REV3L: variants seen among roughly 807,000 people sequenced by gnomAD.
REV3L encodes the protein DNA polymerase zeta catalytic subunit.
In REV3L, 69 loss-of-function variants were observed where a neutral mutation model predicts 299.4. The ratio of observed to expected loss-of-function variants is 0.23; its 90% CI spans 0.19 to 0.28. The LOEUF is 0.28. Among genes scored for constraint, REV3L ranks in the 10% least tolerant of loss-of-function variants. The pLI, the probability that REV3L is intolerant of heterozygous loss-of-function variation, is 1.00. For synonymous variants in REV3L, 1,238 were observed against 1,271.4 expected, an observed-to-expected ratio of 0.97 and a Z score of 0.56; for missense variants, 3,128 against 3,693.8, an observed-to-expected ratio of 0.85 and a Z score of 3.97.
At chr6:111,334,590 G>T (rs1246170947) in intron 22 of REV3L, among the ~76,000 whole-genome samples, 2 of 152,114 alleles carry the variant, frequency 1.3e-5, no homozygotes, top group African/African-American at 4.8e-5. Context: ...CTATTAGAAG[G>T]CTTGGGGTAT....
chr6:111,300,167 A>G lies in REV3L; in HGVS notation c.9253-11T>C, dbSNP rs1771319290. On this transcript the variant is annotated splice_polypyrimidine_tract_variant and intron_variant, in intron 31 of 31. Transcript: ENST00000368802. ...ACAGTTCTTGCATATCTGAAAGCAT[A>G]AGAGAAATACAAAAAATAATAGGAA... 6.4e-7 allele frequency: 1 copy of G among 1,553,504 alleles called. No individual in the cohort carries two copies. Among genetic ancestry groups the G allele is most frequent in the Non-Finnish European group, 8.7e-7 (1 of 1,154,846 alleles).
chr6:111,464,296 A>C (rs1304232833), intron 1 of REV3L, among the ~76,000 whole-genome samples: 1 of 152,134 alleles, frequency 6.6e-6, no homozygotes, highest in Non-Finnish European at 1.5e-5. Flanking sequence ...GGGAAGGCAA[A>C]TCTATCTTTT....
chr6:111,302,166 C>G lies in REV3L; in HGVS notation c.9253-2010G>C, dbSNP rs186451921. 5.9e-5 allele frequency among the ~76,000 whole-genome samples: 9 copies of G among 152,334 alleles called. No homozygotes were observed. The East Asian group carries it at 1.7e-3, about 29-fold the overall frequency. Reference sequence around the variant, plus strand: ...TGTATCCAATATTATGATATTGTCACAAGCAGACTGCTTACAAACATGTGC... The same window carrying G: ...TGTATCCAATATTATGATATTGTCAGAAGCAGACTGCTTACAAACATGTGC... On this transcript the variant is annotated intron_variant, in intron 31 of 31. Coordinates refer to ENST00000368802, the MANE Select transcript of REV3L (RefSeq NM_001372078.1).
chr6:111,422,788 G>T (rs936042798), intron 1 of REV3L, among the ~76,000 whole-genome samples: 5 of 147,912 alleles, frequency 3.4e-5, no homozygotes, highest in Non-Finnish European at 6.0e-5. Flanking sequence ...AACTTAAAAG[G>T]CAAAACAAAG....
At chr6:111,384,508 A>G (rs949355006) in intron 9 of REV3L, among the ~76,000 whole-genome samples, 3 of 152,218 alleles carry the variant, frequency 2.0e-5, no homozygotes, top group Non-Finnish European at 4.4e-5. Context: ...AACATCACTG[A>G]TCATCAGATA....
chr6:111,442,921 T>C (rs1263277848), intron 1 of REV3L, among the ~76,000 whole-genome samples: 1 of 152,138 alleles, frequency 6.6e-6, no homozygotes, highest in Admixed American at 6.5e-5. Context: ...GTGTCCTGTT[T>C]AGGATCGGTG....
At chr6:111,473,413 A>G (rs1489321578) in intron 1 of REV3L, among the ~76,000 whole-genome samples, 1 of 152,066 alleles carries the variant, frequency 6.6e-6, no homozygotes, top group Non-Finnish European at 1.5e-5. Flanking sequence ...AAATGTAATT[A>G]TAGTACCAGA....
chr6:111,331,689 A>G lies in REV3L; in HGVS notation c.8021T>C (p.Val2674Ala). Reference protein sequence around the residue: ...RHDITVSPNGVAFVKPSVRKG... With the variant: ...RHDITVSPNGAAFVKPSVRKG... ...AGAGAGTATTACCTTGACAAAAGCT[A>G]CTCCATTGGGGGACACTGTGATATC... is the stretch of plus-strand genomic sequence containing the variant. Residue 2674 changes from valine (V) to alanine (A), a missense_variant, in exon 24 of 32, where the codon GTA becomes GCA. By Grantham distance (64) the Val-to-Ala change is moderately conservative (BLOSUM62 0). Around this residue, in one of 9 missense-constraint regions of REV3L, gnomAD observed 149 missense variants for 286.4 expected, o/e 0.52. Coordinates refer to ENST00000368802, the MANE Select transcript of REV3L (RefSeq NM_001372078.1). The G allele has an allele frequency of 6.2e-7, 1 of 1,610,354 alleles. No homozygotes were observed. Among genetic ancestry groups the G allele is most frequent in the East Asian group, 2.2e-5 (1 of 44,726 alleles).
At chr6:111,386,303 G>T (rs949657458) in intron 9 of REV3L, among the ~76,000 whole-genome samples, 1 of 152,138 alleles carries the variant, frequency 6.6e-6, no homozygotes. Context: ...CAGCTAAAAT[G>T]AATGAACAAG....
intron 2 of REV3L, among the ~76,000 whole-genome samples, chr6:111,413,330 C>T (rs374594123): frequency 8.5e-5 from 13 of 152,130 alleles, no homozygotes; most frequent in African/African-American, 3.1e-4. Context: ...CAGATGTTTT[C>T]ATGTTTAAAA....
At chr6:111,321,718 A>G (rs1326580654) in intron 26 of REV3L, among the ~76,000 whole-genome samples, 3 of 152,176 alleles carry the variant, frequency 2.0e-5, no homozygotes, top group Non-Finnish European at 1.5e-5. Flanking sequence ...CTGTTCAAAG[A>G]TTACTTATAA....
At chr6:111,404,353 C>T (rs1384222116) in intron 4 of REV3L, among the ~76,000 whole-genome samples, 2 of 152,204 alleles carry the variant, frequency 1.3e-5, no homozygotes, top group Non-Finnish European at 2.9e-5. Context: ...TTTCTGCTCA[C>T]TAACAATGCA....
At chr6:111,333,000 T>C in intron 23 of REV3L, 123 bp downstream of exon 23, 1 of 1,088,426 alleles carries the variant, frequency 9.2e-7, no homozygotes, top group Non-Finnish European at 1.3e-6. Context: ...TTAGCTGGGA[T>C]ACAGTCCATT....
intron 9 of REV3L, 76 bp from the exon 10 acceptor site, chr6:111,381,520 T>C: frequency 1.6e-6 from 2 of 1,242,940 alleles, no homozygotes; most frequent in Middle Eastern, 2.6e-4. Context: ...TTTGTGTAAA[T>C]TTGGAAGCAT....
At chr6:111,302,784 C>T (rs565151916) in intron 31 of REV3L, among the ~76,000 whole-genome samples, 11 of 152,076 alleles carry the variant, frequency 7.2e-5, no homozygotes, top group Non-Finnish European at 1.3e-4. Flanking sequence ...TGCCTGTAAT[C>T]CCAGCTACTC....
At chr6:111,423,816 G>C (rs1297220643) in intron 1 of REV3L, among the ~76,000 whole-genome samples, 3 of 152,060 alleles carry the variant, frequency 2.0e-5, no homozygotes, top group African/African-American at 7.3e-5. Context: ...AGGAATCAAA[G>C]ATGACTCTTA....
chr6:111,481,911 T>C (rs184062733), intron 1 of REV3L, among the ~76,000 whole-genome samples: 6 of 152,308 alleles, frequency 3.9e-5, no homozygotes, highest in Admixed American at 6.5e-5. Flanking sequence ...TTAAAAAATA[T>C]ATACCTGTAC....
chr6:111,474,437 G>A (rs1792654428), intron 1 of REV3L, among the ~76,000 whole-genome samples: 1 of 152,204 alleles, frequency 6.6e-6, no homozygotes, highest in Non-Finnish European at 1.5e-5. Context: ...ACAATTCCAT[G>A]ATCCCTTTCC....
chr6:111,349,033 C>T lies in REV3L; in HGVS notation c.7419+185G>A, dbSNP rs1582630010. 3 of 382,644 alleles carry T rather than the reference C, an allele frequency of 7.8e-6. No individual in the cohort carries two copies. In the East Asian group the frequency reaches 1.3e-4, roughly 16 times the overall value. 23.7% of individuals were successfully genotyped at this position (382,644 alleles called of 1,614,324 possible). A position where few individuals can be genotyped will look rare whatever the true frequency, so the allele number is the denominator to read the frequency against. The stretch of plus-strand genomic sequence containing the variant: ...GAAAAAAAAAAAAACTCACTTAAAA[C>T]ATTAAAGTCTATTACCTCTGTAGTT... On this transcript the variant is annotated intron_variant, in intron 20 of 31. Transcript: ENST00000368802.
Sources: gnomAD v4.1 joint callset for allele counts (sites outside exome capture counted in the v4.1 genomes callset) on GRCh38, gnomAD v4.1.1 for gene constraint, gnomAD v4.1.1 regional missense constraint, MANE v1.5 for transcripts, NCBI Gene and HGNC (gene_info 2026-07-23, HGNC 2026-07-21) for gene names.